MED16: variants seen among roughly 807,000 people sequenced by gnomAD.
MED16 encodes mediator of RNA polymerase II transcription subunit 16.
In MED16, 81 loss-of-function variants were observed where a neutral mutation model predicts 84.4. The observed-to-expected ratio is 0.96, with a 90% CI of 0.80 to 1.15. The LOEUF (loss-of-function observed/expected upper bound fraction) is 1.15. MED16 is among the 50% of genes most tolerant of loss of function. The probability of loss-of-function intolerance (pLI) is 0.00; values close to 1 mark genes in which losing one functional copy is unlikely to be tolerated. For missense variants in MED16, 1,585 were observed against 1,245.9 expected, an observed-to-expected ratio of 1.27 and a Z score of -4.10; for synonymous variants, 897 against 552.2, an observed-to-expected ratio of 1.62 and a Z score of -8.76.
intron 2 of MED16, among the ~76,000 whole-genome samples, chr19:890,681 G>C (rs1348380984): frequency 1.3e-5 from 2 of 152,190 alleles, no homozygotes; most frequent in Admixed American, 1.3e-4. Flanking sequence ...AGAAAACTGG[G>C]GCACGTGTCT....
intron 11 of MED16, among the ~76,000 whole-genome samples, 158 bp from the exon 12 acceptor site, chr19:872,276 T>A (rs1433298951): frequency 6.6e-6 from 1 of 151,742 alleles, no homozygotes; most frequent in Non-Finnish European, 1.5e-5. Flanking sequence ...ACCGAGTGGG[T>A]GGATGCCGGG....
chr19:883,879 C>G (rs577885905), intron 6 of MED16, among the ~76,000 whole-genome samples: 36 of 152,174 alleles, frequency 2.4e-4, no homozygotes, highest in African/African-American at 8.2e-4. Context: ...GGGGACCGGG[C>G]GAAGGAACGA....
chr19:873,035 GT>G, intron 11 of MED16: 4 of 244,668 alleles, frequency 1.6e-5, no homozygotes, highest in South Asian at 1.9e-4. Context: ...GGGCTCCGAG[GT>G]GGGGCAGGGC....
intron 4 of MED16, among the ~76,000 whole-genome samples, chr19:887,493 C>T (rs1171204072): frequency 1.3e-5 from 2 of 151,776 alleles, no homozygotes; most frequent in Non-Finnish European, 2.9e-5. Flanking sequence ...TAGTGAAACC[C>T]CGTCTCTACT....
At chr19:884,492 G>C (rs1375347625) in intron 6 of MED16, among the ~76,000 whole-genome samples, 1 of 152,148 alleles carries the variant, frequency 6.6e-6, no homozygotes, top group African/African-American at 2.4e-5. Context: ...CCCTGAACCA[G>C]GTTCCGGAGG....
Position 877,081 on chromosome 19 carries a change from C to G in MED16, c.1453G>C (p.Gly485Arg). The G allele has an allele frequency of 6.2e-7, 1 of 1,612,700 alleles. No individual in the cohort carries two copies. ...LFLLEYCMVT[G>R]YDWWDILLHV... ...AGCAGGATGTCCCACCAGTCGTAGCCGGTCACCATGCAGTACTCCAGCAGG... is the reference window on the plus strand; with the variant it reads ...AGCAGGATGTCCCACCAGTCGTAGCGGGTCACCATGCAGTACTCCAGCAGG... Residue 485 changes from glycine to arginine, a missense_variant, in exon 9 of 16, where the codon GGC becomes CGC. Transcript: ENST00000325464.
At chr19:873,724 G>T in intron 10 of MED16, 142 bp from the exon 11 acceptor site, 3 of 1,019,476 alleles carry the variant, frequency 2.9e-6, no homozygotes. Context: ...ACGAGAAGGG[G>T]GCGATGGCGT....
chr19:888,030 C>T (rs944473849), intron 4 of MED16, among the ~76,000 whole-genome samples: 14 of 151,620 alleles, frequency 9.2e-5, no homozygotes, highest in South Asian at 4.2e-4. Context: ...TGGAGAAACC[C>T]GGTCCCTACT....
rs1046972903 is a variant in MED16 at position 875,358 on chromosome 19, G to C, written c.1657C>G (p.Leu553Val). The change falls in exon 10 of 16, where the codon CTC (leucine) becomes GTC (valine). Residue 553 changes from leucine (L) to valine (V), a missense_variant. Leu to Val is a conservative substitution (Grantham distance 32, BLOSUM62 1). Transcript: ENST00000325464. ...RVCDYHTKLF[L>V]IAISSTLKSL... ...TTCAGGGTGGAGCTGATGGCGATGA[G>C]GAAGAGCTTGGTGTGGTAGTCGCAC... 1.2e-6 allele frequency: 2 copies of C among 1,610,218 alleles called. No homozygotes were observed. Among genetic ancestry groups the C allele is most frequent in the Admixed American group, 1.7e-5 (1 of 59,998 alleles).
chr19:884,369 G>A (rs918916138), intron 6 of MED16, among the ~76,000 whole-genome samples: 4 of 152,042 alleles, frequency 2.6e-5, no homozygotes, highest in Admixed American at 6.5e-5. Context: ...GGGGCCCATC[G>A]GGCGGATAGA....
Position 889,564 on chromosome 19 carries a change from G to A in MED16, c.447+74C>T, listed in dbSNP as rs375314920. On this transcript the variant is annotated intron_variant, in intron 4 of 15. Transcript: ENST00000325464. ...ACCAGGGGATGCTGGTGATGGAGAG[G>A]AGAGGGGCTGGCGGGTGGCTGGGTA... 4.1e-4 allele frequency: 621 copies of A among 1,527,558 alleles called. 5 individuals are homozygous for A. The South Asian group carries it at 6.4e-3, about 16-fold the overall frequency. 94.6% of individuals were successfully genotyped at this position (1,527,558 alleles called of 1,614,324 possible).
intron 4 of MED16, among the ~76,000 whole-genome samples, chr19:887,873 T>C (rs944461841): frequency 6.6e-6 from 1 of 151,386 alleles, no homozygotes; most frequent in Non-Finnish European, 1.5e-5. Flanking sequence ...ATCAGGGTGA[T>C]GCAGGATGGG....
rs762043487 is a variant in MED16, at chr19:880,063, C to G, written c.1227G>C (p.Ala409=). 2.2e-5 allele frequency: 36 copies of G among 1,611,096 alleles called. No individual in the cohort carries two copies. The highest frequency in any genetic ancestry group is 1.7e-4 in the Middle Eastern group (1 of 5,958). ...CCGGCTCATCCACAGGCCTCGGGGC[C>G]GCGGAGCTGTAGAAGACGGCCATGG... is the stretch of plus-strand genomic sequence containing the variant. The part of the protein sequence containing the change: ...LQTMAVFYSS[A]APRPVDEPAM... Residue 409 remains alanine, a synonymous_variant, in exon 8 of 16, where the codon GCG becomes GCC. Coordinates refer to ENST00000325464, the MANE Select transcript of MED16 (RefSeq NM_005481.3).
rs544723249 is a variant in MED16 at position 871,144 on chromosome 19, G to A, written c.2208C>T (p.Asp736=). The change falls in exon 13 of 16, where the codon GAC becomes GAT. Residue 736 remains aspartate, a synonymous_variant. Coordinates refer to ENST00000325464, the MANE Select transcript of MED16 (RefSeq NM_005481.3). ...TGGGCTGCAGGCGGCTAACCAGGCC[G>A]TCGCTGGCTGGCAGCCAGTCCAGGC... is the stretch of plus-strand genomic sequence containing the variant. ...IPSLDWLPAS[D]GLVSRLQPKQ... The A allele has an allele frequency of 3.0e-5, 47 of 1,548,176 alleles. No individual in the cohort carries two copies. Among genetic ancestry groups the A allele is most frequent in the Middle Eastern group, 1.7e-4 (1 of 5,922 alleles).
intron 8 of MED16, among the ~76,000 whole-genome samples, chr19:879,089 C>T (rs1449617767): frequency 8.9e-6 from 1 of 112,646 alleles, no homozygotes; most frequent in Non-Finnish European, 1.8e-5. Flanking sequence ...CCCACGTGCC[C>T]CAGCAGCTCG....
chr19:891,745 A>G (rs1353953847), intron 1 of MED16, among the ~76,000 whole-genome samples: 1 of 88,688 alleles, frequency 1.1e-5, no homozygotes, highest in African/African-American at 6.1e-5. Flanking sequence ...GCTGACTGAC[A>G]GGGAACACCT....
Position 875,390 on chromosome 19 carries a change from G to A in MED16, c.1625C>T (p.Thr542Ile), listed in dbSNP as rs1431015284. 3 of 1,608,638 alleles carry A rather than the reference G, an allele frequency of 1.9e-6. No individual in the cohort carries two copies. Among genetic ancestry groups the A allele is most frequent in the South Asian group, 2.2e-5 (2 of 91,060 alleles). ...CTTGGTGTGGTAGTCGCACACGCGG[G>A]TCACCGTGCAGGGCGACAGCTTGCA... is the stretch of plus-strand genomic sequence containing the variant. ...SLCKLSPCTV[T>I]RVCDYHTKLF... is the part of the protein sequence containing the mutation. Residue 542 changes from threonine to isoleucine, a missense_variant, in exon 10 of 16, where the codon ACC (threonine) becomes ATC (isoleucine). By Grantham distance (89) the Thr-to-Ile change is moderately conservative. Coordinates refer to ENST00000325464, the MANE Select transcript of MED16 (RefSeq NM_005481.3).
In MED16 at chr19:877,100, C is replaced by T. The variant is rs1321724499; in HGVS notation, c.1434G>A (p.Leu478=). ...CGTAGCCGGTCACCATGCAGTACTC[C>T]AGCAGGAAGAGCAGGTGCCGCAGCG... ...GLALRHLLFL[L]EYCMVTGYDW... The change falls in exon 9 of 16, where the codon CTG becomes CTA. Residue 478 remains leucine (L), a synonymous_variant. Transcript: ENST00000325464. 2 of 1,612,690 alleles carry T rather than the reference C, an allele frequency of 1.2e-6. No individual in the cohort carries two copies. The highest frequency in any genetic ancestry group is 1.7e-6 in the Non-Finnish European group (2 of 1,179,912).
At chr19:880,212 C>T (rs921058693) in intron 7 of MED16, 64 bp from the exon 8 acceptor site, 10 of 1,463,120 alleles carry the variant, frequency 6.8e-6, no homozygotes, top group Non-Finnish European at 8.2e-6. Context: ...GGGGGAGGGG[C>T]CTCCTGCTCT....
Sources: gnomAD v4.1 joint callset for allele counts (sites outside exome capture counted in the v4.1 genomes callset) on GRCh38, gnomAD v4.1.1 for gene constraint, MANE v1.5 for transcripts, NCBI Gene and HGNC (gene_info 2026-07-23, HGNC 2026-07-21) for gene names.